CDYL: variants seen among roughly 807,000 people sequenced by gnomAD.
CDYL encodes the protein chromodomain Y like.
CDYL carries 8 observed loss-of-function variants against 47.3 expected under a neutral mutation model. The ratio of observed to expected loss-of-function variants is 0.17; its 90% confidence interval spans 0.10 to 0.31. CDYL has a LOEUF of 0.31. CDYL is among the 10% of genes least tolerant of loss of function. CDYL has a pLI of 1.00. For missense variants in CDYL, 471 were observed against 701.4 expected (o/e 0.67, Z 3.71); for synonymous variants, 266 against 265.0 (o/e 1.00, Z -0.04).
intron 3 of CDYL, among the ~76,000 whole-genome samples, chr6:4,752,881 TATGTAGGTA>T (rs140791898): frequency 1.3e-4 from 19 of 146,610 alleles, no homozygotes; most frequent in African/African-American, 4.1e-4. Flanking sequence ...GGTAGGTAGG[TATGTAGGTA>T]GGTAGGTATG....
intron 3 of CDYL, among the ~76,000 whole-genome samples, chr6:4,750,916 G>A (rs1269444734): frequency 1.1e-4 from 16 of 149,002 alleles, no homozygotes; most frequent in Non-Finnish European, 1.8e-4. Context: ...GCAGTGGCAC[G>A]ATCTCGGCTC....
At chr6:4,770,751 AGTAAT>A (rs1039638404) in intron 3 of CDYL, among the ~76,000 whole-genome samples, 31 of 152,238 alleles carry the variant, frequency 2.0e-4, no homozygotes, top group African/African-American at 7.2e-4. Context: ...GTTATGGAGA[AGTAAT>A]GTGTACTACA....
At chr6:4,835,276 TTTTC>T (rs1760265211) in intron 1 of CDYL, among the ~76,000 whole-genome samples, 1 of 152,166 alleles carries the variant, frequency 6.6e-6, no homozygotes, top group Non-Finnish European at 1.5e-5. Flanking sequence ...TGTTTGTTAG[TTTTC>T]TTTCTAACAG....
chr6:4,889,280 A>C (rs988221793), intron 1 of CDYL, among the ~76,000 whole-genome samples: 5 of 151,120 alleles, frequency 3.3e-5, no homozygotes, highest in Non-Finnish European at 7.4e-5. Flanking sequence ...GCTGGAGTGC[A>C]GTGGCTCGAT....
chr6:4,894,954 T>TAC (rs1491110369), intron 2 of CDYL, among the ~76,000 whole-genome samples: 1 of 150,762 alleles, frequency 6.6e-6, no homozygotes, highest in Admixed American at 6.6e-5. Flanking sequence ...TATGCATGTG[T>TAC]ATATATACGT....
intron 1 of CDYL, among the ~76,000 whole-genome samples, chr6:4,792,099 AG>A (rs1467469875): frequency 7.6e-5 from 11 of 144,760 alleles, no homozygotes; most frequent in Admixed American, 6.9e-4. Context: ...TCACCATGTT[AG>A]CCAGGATGGT....
chr6:4,825,347 A>G (rs61323400), intron 1 of CDYL, among the ~76,000 whole-genome samples: 6,894 of 152,190 alleles, frequency 0.045, 519 homozygotes, highest in African/African-American at 0.16. Context: ...ATCGTGTCCT[A>G]TATATAGAAT....
chr6:4,708,340 A>G (rs1367514468), intron 1 of CDYL, among the ~76,000 whole-genome samples: 2 of 152,108 alleles, frequency 1.3e-5, no homozygotes, highest in African/African-American at 4.8e-5. Flanking sequence ...TTGTATTTTT[A>G]GTAAAGATGG....
intron 5 of CDYL, among the ~76,000 whole-genome samples, chr6:4,951,930 TATA>T (rs1183528998): frequency 2.0e-5 from 3 of 152,178 alleles, no homozygotes; most frequent in Non-Finnish European, 4.4e-5. Flanking sequence ...GAGAGGAAGC[TATA>T]CCAGTAACTT....
At chr6:4,906,036 G>T (rs962904766) in intron 2 of CDYL, among the ~76,000 whole-genome samples, 8 of 152,138 alleles carry the variant, frequency 5.3e-5, no homozygotes, top group Non-Finnish European at 1.2e-4. Context: ...AAATCAAATG[G>T]TAAGATGACG....
Position 4,715,883 on chromosome 6 carries a change from T to C in CDYL, c.103+2T>C, listed in dbSNP as rs779895262. ...AGTTATTCCTGAAGAGAAACAACGG[T>C]AAGAACTTGCAGGAATCAAATTAGT... is the stretch of plus-strand genomic sequence containing the variant. On this transcript the variant is annotated splice_donor_variant, in intron 2 of 8. Coordinates refer to the CDYL transcript ENST00000328908. LOFTEE classifies it high-confidence loss of function. 2.5e-6 allele frequency: 4 copies of C among 1,613,298 alleles called. No individual in the cohort carries two copies. Among genetic ancestry groups the C allele is most frequent in the South Asian group, 1.1e-5 (1 of 90,992 alleles).
At chr6:4,809,252 C>A (rs1358699388) in intron 1 of CDYL, among the ~76,000 whole-genome samples, 1 of 152,208 alleles carries the variant, frequency 6.6e-6, no homozygotes, top group Non-Finnish European at 1.5e-5. Flanking sequence ...GGAAATCACT[C>A]ACATCAGCTC....
At chr6:4,816,852 T>C (rs1422656892) in intron 1 of CDYL, among the ~76,000 whole-genome samples, 1 of 152,128 alleles carries the variant, frequency 6.6e-6, no homozygotes, top group Admixed American at 6.6e-5. Flanking sequence ...GGGGAAATGA[T>C]AATAAGCTGA....
At chr6:4,846,167 T>C (rs1760649758) in intron 1 of CDYL, among the ~76,000 whole-genome samples, 1 of 151,860 alleles carries the variant, frequency 6.6e-6, no homozygotes, top group South Asian at 2.1e-4. Flanking sequence ...TTAGTTGTCT[T>C]TGGGTACTGC....
At chr6:4,909,736 A>T (rs1416966021) in intron 2 of CDYL, among the ~76,000 whole-genome samples, 4 of 142,248 alleles carry the variant, frequency 2.8e-5, no homozygotes, top group Non-Finnish European at 4.6e-5. Flanking sequence ...ACGCCTGGCT[A>T]TTTTTTTTTT....
intron 4 of CDYL, among the ~76,000 whole-genome samples, chr6:4,941,433 C>T (rs78621893): frequency 0.027 from 4,169 of 152,244 alleles, 185 homozygotes; most frequent in African/African-American, 0.095. Flanking sequence ...CTGTGTGCAC[C>T]ACATCCATTT....
At chr6:4,859,058 T>C (rs143396771) in intron 1 of CDYL, among the ~76,000 whole-genome samples, 4 of 152,334 alleles carry the variant, frequency 2.6e-5, no homozygotes, top group Non-Finnish European at 5.9e-5. Flanking sequence ...CTAGAATCAT[T>C]TGTACACATT....
intron 1 of CDYL, among the ~76,000 whole-genome samples, chr6:4,883,079 C>G (rs988835432): frequency 6.6e-6 from 1 of 152,174 alleles, no homozygotes; most frequent in Non-Finnish European, 1.5e-5. Flanking sequence ...GTCCCTCTTG[C>G]ATCTGGCCCT....
intron 1 of CDYL, among the ~76,000 whole-genome samples, chr6:4,707,535 G>C (rs1157608400): frequency 6.6e-6 from 1 of 152,188 alleles, no homozygotes; most frequent in Non-Finnish European, 1.5e-5. Context: ...GCCTCCCAAA[G>C]TGCTGGGATT....
Sources: allele counts gnomAD v4.1 joint callset (sites outside exome capture counted in the v4.1 genomes callset), GRCh38; gene constraint gnomAD v4.1.1; transcripts MANE v1.5; gene names NCBI Gene and HGNC (gene_info 2026-07-23, HGNC 2026-07-21).